Variants in SGCB observed in about 807,000 individuals in gnomAD.
The protein encoded by SGCB is sarcoglycan beta, also known as beta-sarcoglycan.
SGCB carries 25 observed loss-of-function variants against 27.3 expected under a neutral mutation model. The ratio of observed to expected loss-of-function variants is 0.92; its 90% CI spans 0.67 to 1.28. The LOEUF (loss-of-function observed/expected upper bound fraction) is 1.28, where lower values mean the gene tolerates loss of function less well. SGCB is among the 50% of genes most tolerant of loss of function. The pLI, the probability that SGCB is intolerant of heterozygous loss-of-function variation, is 0.00. For synonymous variants in SGCB, 147 were observed against 133.5 expected (o/e 1.10, Z -0.70); for missense variants, 436 against 402.1 (o/e 1.08, Z -0.72).
chr4:52,031,353 T>C (rs1442775021), intron 2 of SGCB, among the ~76,000 whole-genome samples: 1 of 151,950 alleles, frequency 6.6e-6, no homozygotes, highest in Non-Finnish European at 1.5e-5. Context: ...CCTACCTACC[T>C]ACCTACCTAT....
In SGCB at chr4:52,028,865, A is replaced by T; in HGVS notation, c.486T>A (p.Ile162=). 1 of 1,614,008 alleles carries T rather than the reference A, an allele frequency of 6.2e-7. No homozygotes were observed. Among genetic ancestry groups the T allele is most frequent in the Non-Finnish European group, 8.5e-7 (1 of 1,179,888 alleles). ...AAAACTGCATGCCGATGTCACTTGT[A>T]ATAGAAGTTTTGTTGTTTTCTACAC... ...KLSVENNKTS[I]TSDIGMQFFD... The change falls in exon 4 of 6, where the codon ATT becomes ATA. Residue 162 remains isoleucine (I), a synonymous_variant. Transcript: ENST00000381431.
At chr4:52,035,029 A>C (rs1467777982) in intron 1 of SGCB, among the ~76,000 whole-genome samples, 1 of 152,198 alleles carries the variant, frequency 6.6e-6, no homozygotes, top group African/African-American at 2.4e-5. Context: ...AAGAGTGTAA[A>C]GAGAACCTGA....
Position 52,022,976 on chromosome 4 carries a change from T to C in SGCB, c.*981A>G, listed in dbSNP as rs1444516094. 6.6e-6 allele frequency: 1 copy of C among 152,258 alleles called. No individual in the cohort carries two copies. The highest frequency in any genetic ancestry group is 1.5e-5 in the Non-Finnish European group (1 of 68,042). The allele number at this position is 152,258 out of a possible 1,614,324, so 9.4% of individuals were successfully genotyped here. On this transcript the variant is annotated 3_prime_UTR_variant, in exon 6 of 6. Transcript: ENST00000381431. ...ATATCTGTTTTGTTTGATTCTCATC[T>C]TCTTAGGTAAGTTTAAATTAACCTT...
At chr4:52,028,183 A>G in intron 4 of SGCB, 84 bp from the exon 5 acceptor site, 1 of 1,072,610 alleles carries the variant, frequency 9.3e-7, no homozygotes, top group Non-Finnish European at 1.4e-6. Context: ...TAGAAGCTTC[A>G]GTCATGAGAG....
chr4:52,030,072 G>A (rs1452348309), intron 2 of SGCB, among the ~76,000 whole-genome samples: 1 of 152,058 alleles, frequency 6.6e-6, no homozygotes, highest in Non-Finnish European at 1.5e-5. Flanking sequence ...GTCAAAATGT[G>A]CTAAAGGTCT....
rs1266025731 is a variant in SGCB, at chr4:52,022,909, G to C, written c.*1048C>G. On this transcript the variant is annotated 3_prime_UTR_variant, in exon 6 of 6. Transcript: ENST00000381431. ...AATCGGACAGTGATTGGTCCTTTCT[G>C]GGTCTGACATGAGATTTATTTTCTT... 5 of 152,160 alleles carry C rather than the reference G, an allele frequency of 3.3e-5. No homozygotes were observed. The highest frequency in any genetic ancestry group is 7.2e-5 in the African/African-American group (3 of 41,440). The allele number at this position is 152,160 out of a possible 1,614,324, so 9.4% of individuals were successfully genotyped here. A position where few individuals can be genotyped will look rare whatever the true frequency, so the allele number is the denominator to read the frequency against.
At chr4:52,024,222 T>A in intron 5 of SGCB, 62 bp from the exon 6 acceptor site, 1 of 1,268,544 alleles carries the variant, frequency 7.9e-7, no homozygotes. Flanking sequence ...ACAAAGTCAG[T>A]AAACAAAACT....
Position 52,024,046 on chromosome 4 carries a change from A to T in SGCB, c.868T>A (p.Cys290Ser). 6.2e-7 allele frequency: 1 copy of T among 1,614,170 alleles called. No individual in the cohort carries two copies. Among genetic ancestry groups the T allele is most frequent in the Non-Finnish European group, 8.5e-7 (1 of 1,180,012 alleles). ...GDWVRYKLCMCADGTLFKVQV... is the reference protein window; with the variant it reads ...GDWVRYKLCMSADGTLFKVQV... ...ACCTTGAAGAGCGTCCCATCAGCAC[A>T]CATGCAGAGCTTGTAGCGTACCCAG... The change falls in exon 6 of 6, where the codon TGT becomes AGT. Residue 290 changes from cysteine (C) to serine (S), a missense_variant. Cys to Ser is a moderately radical substitution (Grantham distance 112). Transcript: ENST00000381431.
intron 2 of SGCB, chr4:52,032,024 T>C (rs1410041146): frequency 8.9e-6 from 4 of 450,706 alleles, no homozygotes; most frequent in African/African-American, 2.0e-5. Context: ...CAGACTTTCC[T>C]GTTTCAGTAT....
intron 5 of SGCB, among the ~76,000 whole-genome samples, chr4:52,025,064 TTTC>T (rs766129423): frequency 1.3e-5 from 2 of 152,138 alleles, no homozygotes; most frequent in Admixed American, 1.3e-4. Flanking sequence ...CCTTTCCTCC[TTTC>T]TTCTTTTCAT....
At chr4:52,031,307 T>C (rs561593714) in intron 2 of SGCB, among the ~76,000 whole-genome samples, 20 of 152,152 alleles carry the variant, frequency 1.3e-4, no homozygotes, top group Admixed American at 3.9e-4. Context: ...CTGGAAGAGT[T>C]TTTTTATCTT....
intron 1 of SGCB, among the ~76,000 whole-genome samples, chr4:52,035,897 A>G (rs1223201256): frequency 6.6e-6 from 1 of 152,218 alleles, no homozygotes; most frequent in Non-Finnish European, 1.5e-5. Flanking sequence ...CCTGAGACGT[A>G]GTCTTTACTC....
chr4:52,028,591 G>A (rs570137271), intron 4 of SGCB, 139 bp downstream of exon 4: 209 of 635,000 alleles, frequency 3.3e-4, no homozygotes, highest in Admixed American at 8.7e-4. Flanking sequence ...AGTCGAGATC[G>A]CGCCACTGCA....
In SGCB at chr4:52,023,656, A is replaced by C; in HGVS notation, c.*301T>G. 2.9e-6 allele frequency: 1 copy of C among 345,864 alleles called. No individual in the cohort carries two copies. Among genetic ancestry groups the C allele is most frequent in the Non-Finnish European group, 5.5e-6 (1 of 182,058 alleles). 21.4% of individuals were successfully genotyped at this position (345,864 alleles called of 1,614,324 possible). A position where few individuals can be genotyped will look rare whatever the true frequency, so the allele number is the denominator to read the frequency against. The stretch of plus-strand genomic sequence containing the variant: ...ATCTAAACAGCTGCTTCAGACCTTT[A>C]ACCTTTAGAAAAGGGATAGTGGAAT... On this transcript the variant is annotated 3_prime_UTR_variant, in exon 6 of 6. Coordinates refer to ENST00000381431, the MANE Select transcript of SGCB (RefSeq NM_000232.5).
In SGCB at chr4:52,033,447, G is replaced by A. The variant is rs562380026; in HGVS notation, c.227C>T (p.Ala76Val). ...ICVIILLFILAVINLIITLVI... is the reference protein window; with the variant it reads ...ICVIILLFILVVINLIITLVI... Reference sequence around the variant, plus strand: ...AATACTCACTATTAAATTGATGACAGCCAGGATAAACAAGAGGATAATCAC... The same window carrying A: ...AATACTCACTATTAAATTGATGACAACCAGGATAAACAAGAGGATAATCAC... The change falls in exon 2 of 6, where the codon GCT becomes GTT. Residue 76 changes from alanine (A) to valine (V), a missense_variant. Physicochemically the swap from Ala to Val is moderately conservative, Grantham distance 64 (BLOSUM62 0). Coordinates refer to ENST00000381431, the MANE Select transcript of SGCB (RefSeq NM_000232.5). 6.2e-7 allele frequency: 1 copy of A among 1,610,794 alleles called. No individual in the cohort carries two copies. Among genetic ancestry groups the A allele is most frequent in the South Asian group, 1.1e-5 (1 of 91,016 alleles).
At chr4:52,034,407 C>T (rs1023987542) in intron 1 of SGCB, among the ~76,000 whole-genome samples, 3 of 127,888 alleles carry the variant, frequency 2.3e-5, no homozygotes, top group African/African-American at 9.4e-5. Context: ...AGAACATGTA[C>T]GACTTTTTCC....
Position 52,024,000 on chromosome 4 carries a change from A to C in SGCB, c.914T>G (p.Met305Arg). The C allele has an allele frequency of 6.2e-7, 1 of 1,614,188 alleles. No individual in the cohort carries two copies. The highest frequency in any genetic ancestry group is 8.5e-7 in the Non-Finnish European group (1 of 1,180,030). ...GGGGTTGTCTGAGATTTGGCAGCCC[A>C]TGTTCTGGCTGGTTACTTGCACCTT... is the stretch of plus-strand genomic sequence containing the variant. ...LFKVQVTSQN[M>R]GCQISDNPCG... is the part of the protein sequence containing the mutation. The change falls in exon 6 of 6, where the codon ATG (methionine) becomes AGG (arginine). Residue 305 changes from methionine to arginine, a missense_variant. Coordinates refer to ENST00000381431, the MANE Select transcript of SGCB (RefSeq NM_000232.5).
In SGCB at chr4:52,038,262, T is replaced by C. The variant is rs1737457413; in HGVS notation, c.-3A>G. The C allele has an allele frequency of 7.7e-7, 1 of 1,295,554 alleles. No individual in the cohort carries two copies. Among genetic ancestry groups the C allele is most frequent in the Non-Finnish European group, 9.8e-7 (1 of 1,019,566 alleles). The allele number at this position is 1,295,554 out of a possible 1,614,324, so 80.3% of individuals were successfully genotyped here. Reference sequence around the variant, plus strand: ...GCCGCCGCCGCCGCTGCCGCCATCTTCCCGCGCCCGCCGCCGCCGAGCTCC... The same window carrying C: ...GCCGCCGCCGCCGCTGCCGCCATCTCCCCGCGCCCGCCGCCGCCGAGCTCC... On this transcript the variant is annotated 5_prime_UTR_variant, in exon 1 of 6. Transcript: ENST00000381431.
At chr4:52,036,481 C>A (rs1457985542) in intron 1 of SGCB, among the ~76,000 whole-genome samples, 1 of 152,148 alleles carries the variant, frequency 6.6e-6, no homozygotes, top group Non-Finnish European at 1.5e-5. Flanking sequence ...AAATAGGTTT[C>A]CTATACAATC....
Sources: allele counts gnomAD v4.1 joint callset (sites outside exome capture counted in the v4.1 genomes callset), GRCh38; gene constraint gnomAD v4.1.1; transcripts MANE v1.5; gene names NCBI Gene and HGNC (gene_info 2026-07-23, HGNC 2026-07-21).